The following RANBP17 variants were observed in gnomAD, a reference collection of about 807,000 sequenced individuals.
The protein encoded by RANBP17 is ran-binding protein 17.
Under a neutral mutation model 141.2 loss-of-function variants are expected in RANBP17, and 158 were observed. The ratio of observed to expected loss-of-function variants is 1.12; its 90% CI spans 0.98 to 1.28. The LOEUF is 1.28. RANBP17 is among the 50% of genes most tolerant of loss of function. The pLI is 0.00. For missense variants in RANBP17, 1,438 were observed against 1,290.7 expected (o/e 1.11, Z -1.75); for synonymous variants, 430 against 450.0 (o/e 0.96, Z 0.56).
chr5:171,262,856 C>T (rs1381663406), intron 24 of RANBP17, among the ~76,000 whole-genome samples: 8 of 152,116 alleles, frequency 5.3e-5, no homozygotes, highest in Non-Finnish European at 7.4e-5. Context: ...GTCTTCTAGA[C>T]CTCCATTCAA....
intron 18 of RANBP17, 152 bp downstream of exon 18, chr5:171,183,582 T>C: frequency 1.6e-6 from 1 of 609,716 alleles, no homozygotes; most frequent in South Asian, 2.1e-5. Context: ...GAGTGTTCAC[T>C]TGTTAGCATT....
chr5:170,987,927 CTATT>C (rs1252545309), intron 14 of RANBP17, among the ~76,000 whole-genome samples: 7 of 151,096 alleles, frequency 4.6e-5, no homozygotes, highest in South Asian at 2.1e-4. Flanking sequence ...CTGACTTTTA[CTATT>C]TATTTATCAT....
intron 13 of RANBP17, among the ~76,000 whole-genome samples, chr5:170,959,363 G>T (rs1164778342): frequency 6.6e-6 from 1 of 152,130 alleles, no homozygotes; most frequent in Non-Finnish European, 1.5e-5. Flanking sequence ...CAAGGCCCTT[G>T]TGATGGCCCA....
intron 14 of RANBP17, among the ~76,000 whole-genome samples, chr5:171,168,842 G>C (rs557419787): frequency 6.6e-6 from 1 of 151,770 alleles, no homozygotes; most frequent in Non-Finnish European, 1.5e-5. Context: ...CTCTCTCTCT[G>C]TTTCTCTCTC....
At chr5:170,958,732 A>G (rs1775923157) in intron 13 of RANBP17, among the ~76,000 whole-genome samples, 1 of 152,164 alleles carries the variant, frequency 6.6e-6, no homozygotes, top group Admixed American at 6.5e-5. Flanking sequence ...TTGGCATGAA[A>G]AGTTGAAGAG....
intron 5 of RANBP17, among the ~76,000 whole-genome samples, chr5:170,906,047 C>T (rs1771052882): frequency 6.6e-6 from 1 of 152,022 alleles, no homozygotes; most frequent in Non-Finnish European, 1.5e-5. Flanking sequence ...AAGTTGCTAA[C>T]ATAATTCTCC....
At position 171,265,537 on chromosome 5, in the gene RANBP17, A is replaced by G. The variant is rs1766612869; in HGVS notation, c.2777-144A>G. 4.0e-6 allele frequency: 3 copies of G among 756,498 alleles called. No homozygotes were observed. The Admixed American group carries it at 8.2e-5, about 21-fold the overall frequency. The allele number at this position is 756,498 out of a possible 1,614,324, so 46.9% of individuals were successfully genotyped here. Reference sequence around the variant, plus strand: ...AATAATGAAACTCTGTCTCAAAAAAACAAATTCCTGCCCTCAAAGAACTTG... The same window carrying G: ...AATAATGAAACTCTGTCTCAAAAAAGCAAATTCCTGCCCTCAAAGAACTTG... On this transcript the variant is annotated intron_variant, in intron 24 of 27. Coordinates refer to ENST00000523189, the MANE Select transcript of RANBP17 (RefSeq NM_022897.5).
intron 14 of RANBP17, among the ~76,000 whole-genome samples, chr5:171,055,445 C>T (rs535400350): frequency 1.9e-4 from 29 of 152,080 alleles, no homozygotes; most frequent in Non-Finnish European, 4.1e-4. Flanking sequence ...GATTTGTTCT[C>T]AAAATAAGAT....
At chr5:170,987,863 G>C (rs1296221408) in intron 14 of RANBP17, among the ~76,000 whole-genome samples, 2 of 151,338 alleles carry the variant, frequency 1.3e-5, no homozygotes, top group African/African-American at 2.4e-5. Flanking sequence ...GTGTAAGTTA[G>C]AGAAATACAG....
chr5:171,138,050 T>C (rs975492173), intron 14 of RANBP17, among the ~76,000 whole-genome samples: 1 of 151,960 alleles, frequency 6.6e-6, no homozygotes, highest in Admixed American at 6.6e-5. Context: ...AGTTATTTCT[T>C]TTAGAGCTTT....
chr5:170,985,452 C>G (rs1342259034), intron 14 of RANBP17, among the ~76,000 whole-genome samples: 1 of 152,174 alleles, frequency 6.6e-6, no homozygotes, highest in African/African-American at 2.4e-5. Context: ...AGAAATTGAG[C>G]AAGAAGTAAT....
intron 14 of RANBP17, among the ~76,000 whole-genome samples, chr5:171,107,296 G>A (rs1161509841): frequency 2.0e-5 from 3 of 152,124 alleles, no homozygotes; most frequent in Non-Finnish European, 4.4e-5. Flanking sequence ...TTTGTTGCTA[G>A]TTAGTATCAC....
intron 14 of RANBP17, among the ~76,000 whole-genome samples, chr5:171,001,239 G>T (rs888153270): frequency 1.3e-5 from 2 of 152,080 alleles, no homozygotes; most frequent in Non-Finnish European, 2.9e-5. Flanking sequence ...ATATTGTGGG[G>T]TTGTTAGAAG....
intron 5 of RANBP17, among the ~76,000 whole-genome samples, chr5:170,896,423 A>G (rs760149508): frequency 3.1e-4 from 47 of 152,248 alleles, no homozygotes; most frequent in Admixed American, 1.2e-3. Context: ...TATGCTAACC[A>G]TAAGAAATAT....
At chr5:171,160,608 C>G (rs1437172002) in intron 14 of RANBP17, among the ~76,000 whole-genome samples, 1 of 152,118 alleles carries the variant, frequency 6.6e-6, no homozygotes, top group African/African-American at 2.4e-5. Flanking sequence ...TAGTCTTGGG[C>G]TTCAGAATCT....
chr5:170,867,230 G>A (rs1767336711), intron 1 of RANBP17: 1 of 152,160 alleles, frequency 6.6e-6, no homozygotes, highest in Non-Finnish European at 1.5e-5. Context: ...GAGACAACAT[G>A]TATTTGGGGT....
In RANBP17 at chr5:170,984,459, C is replaced by T. The variant is rs1777983678; in HGVS notation, c.1710+16082C>T. Reference sequence around the variant, plus strand: ...TGTGCAATATAGCGAGACCCTGTCTCTACAAAAAATTCTAAAAATTAGCTG... The same window carrying T: ...TGTGCAATATAGCGAGACCCTGTCTTTACAAAAAATTCTAAAAATTAGCTG... On this transcript the variant is annotated intron_variant, in intron 14 of 27. Transcript: ENST00000523189. Among the ~76,000 whole-genome samples, 3 of 151,936 alleles carry T rather than the reference C, an allele frequency of 2.0e-5. No homozygotes were observed. In the South Asian group the frequency reaches 6.2e-4, roughly 32 times the overall value.
At chr5:171,148,095 A>G (rs1441083919) in intron 14 of RANBP17, among the ~76,000 whole-genome samples, 1 of 151,872 alleles carries the variant, frequency 6.6e-6, no homozygotes, top group Non-Finnish European at 1.5e-5. Flanking sequence ...CTTACCCCCA[A>G]CCCTGTGCTC....
chr5:171,150,561 A>G (rs1402693687), intron 14 of RANBP17, among the ~76,000 whole-genome samples: 1 of 152,036 alleles, frequency 6.6e-6, no homozygotes, highest in Non-Finnish European at 1.5e-5. Flanking sequence ...TTTGCACCAG[A>G]TACTATGCTA....
Sources: gnomAD v4.1 joint callset for allele counts (sites outside exome capture counted in the v4.1 genomes callset) on GRCh38, gnomAD v4.1.1 for gene constraint, MANE v1.5 for transcripts, NCBI Gene and HGNC (gene_info 2026-07-23, HGNC 2026-07-21) for gene names.